Variants in SH3PXD2A observed in about 807,000 individuals in gnomAD.
SH3PXD2A encodes SH3 and PX domains 2A.
A neutral mutation model predicts 115.2 loss-of-function variants in SH3PXD2A; 32 were observed. That is an observed-to-expected ratio of 0.28 (90% CI 0.21 to 0.37). SH3PXD2A has a LOEUF of 0.37. Among genes scored for constraint, SH3PXD2A ranks in the 10% least tolerant of loss-of-function variants. The pLI is 1.00. For synonymous variants in SH3PXD2A, 610 were observed against 629.1 expected (o/e 0.97, Z 0.45); for missense variants, 1,328 against 1,498.7 (o/e 0.89, Z 1.88).
intron 5 of SH3PXD2A, among the ~76,000 whole-genome samples, chr10:103,701,283 TTCATCCATCCA>T (rs2037898143): frequency 7.0e-6 from 1 of 142,560 alleles, no homozygotes; most frequent in Non-Finnish European, 1.5e-5. Flanking sequence ...CATCTATCCA[TTCATCCATCCA>T]TCATCCATCC....
intron 6 of SH3PXD2A, among the ~76,000 whole-genome samples, chr10:103,681,767 C>T (rs567031138): frequency 5.2e-4 from 79 of 152,206 alleles, no homozygotes; most frequent in African/African-American, 1.6e-3. Context: ...CCCGCGCGCG[C>T]GCGCGCACAC....
At chr10:103,786,416 G>A (rs1564888791) in intron 2 of SH3PXD2A, among the ~76,000 whole-genome samples, 1 of 152,094 alleles carries the variant, frequency 6.6e-6, no homozygotes, top group Non-Finnish European at 1.5e-5. Flanking sequence ...TTTAATCCCA[G>A]CTACTAAGGA....
rs556489334 is a variant in SH3PXD2A, at chr10:103,772,984, A to G, written c.154-5815T>C. On this transcript the variant is annotated intron_variant, in intron 2 of 14. Coordinates refer to ENST00000369774, the MANE Select transcript of SH3PXD2A (RefSeq NM_001394015.1). ...CACGCCTGTAATCCCGGCACTTTGG[A>G]AGGCCAAGGCGGGGTGGATCACCTG... is the stretch of plus-strand genomic sequence containing the variant. Among the ~76,000 whole-genome samples, 15 of 152,322 alleles carry G rather than the reference A, an allele frequency of 9.8e-5. No individual in the cohort carries two copies. In the East Asian group the frequency reaches 2.7e-3, roughly 27 times the overall value.
chr10:103,639,067 G>T (rs1322673772), intron 8 of SH3PXD2A, among the ~76,000 whole-genome samples: 1 of 152,342 alleles, frequency 6.6e-6, no homozygotes, highest in East Asian at 1.9e-4. Flanking sequence ...GGATGAGAAG[G>T]GCGGCTGCTT....
At chr10:103,626,386 C>T (rs2036694531) in intron 9 of SH3PXD2A, among the ~76,000 whole-genome samples, 1 of 152,188 alleles carries the variant, frequency 6.6e-6, no homozygotes, top group East Asian at 1.9e-4. Context: ...GAAAGAATTC[C>T]CGCAGCCAGG....
At chr10:103,617,508 G>T (rs1382548630) in intron 10 of SH3PXD2A, among the ~76,000 whole-genome samples, 194 bp from the exon 11 acceptor site, 1 of 152,204 alleles carries the variant, frequency 6.6e-6, no homozygotes, top group Admixed American at 6.5e-5. Context: ...GGGAGCAGAG[G>T]TCACTGCTGC....
rs1013617192 is a variant in SH3PXD2A, at chr10:103,620,058, G to A, written c.802+2412C>T. Among the ~76,000 whole-genome samples the A allele has an allele frequency of 5.1e-4, 78 of 152,310 alleles. No individual in the cohort carries two copies. The highest frequency in any genetic ancestry group is 1.8e-3 in the African/African-American group (76 of 41,572). ...GTCCCAAGGAAGAGAGACTTGCCTG[G>A]GCCACAAACCCCATCTGGGGGCGCC... On this transcript the variant is annotated intron_variant, in intron 10 of 14. Coordinates refer to ENST00000369774, the MANE Select transcript of SH3PXD2A (RefSeq NM_001394015.1). The surrounding 1 kb of genome is among the most constrained non-coding windows in gnomAD (Gnocchi z 5.3).
In SH3PXD2A at chr10:103,642,768, C is replaced by T. The variant is rs141881003; in HGVS notation, c.605-15566G>A. Reference sequence around the variant, plus strand: ...TGGTCACTTGAAATATAAAGATTATCCTTATCCATTTAACTGGCTTACTCC... The same window carrying T: ...TGGTCACTTGAAATATAAAGATTATTCTTATCCATTTAACTGGCTTACTCC... On this transcript the variant is annotated intron_variant, in intron 8 of 14. Transcript: ENST00000369774. Among the ~76,000 whole-genome samples the T allele has an allele frequency of 8.6e-3, 1,303 of 152,300 alleles. 9 individuals are homozygous for T. Among genetic ancestry groups the T allele is most frequent in the Non-Finnish European group, 0.012 (814 of 68,026 alleles).
intron 2 of SH3PXD2A, among the ~76,000 whole-genome samples, chr10:103,791,233 C>A (rs1045414985): frequency 1.3e-5 from 2 of 152,172 alleles, no homozygotes; most frequent in African/African-American, 2.4e-5. Flanking sequence ...CAGCAAAGGG[C>A]GGAGATGGCT....
intron 4 of SH3PXD2A, among the ~76,000 whole-genome samples, chr10:103,729,648 C>T (rs182881726): frequency 2.6e-5 from 4 of 152,364 alleles, no homozygotes; most frequent in African/African-American, 7.2e-5. Context: ...CTCAGTCCCC[C>T]TCCAACCCTG....
intron 1 of SH3PXD2A, among the ~76,000 whole-genome samples, chr10:103,819,835 AG>A (rs1022477784): frequency 6.6e-6 from 1 of 151,566 alleles, no homozygotes; most frequent in Non-Finnish European, 1.5e-5. Flanking sequence ...TCCCTAGAGG[AG>A]GGGGGGAGAT....
Position 103,645,816 on chromosome 10 carries a change from A to G in SH3PXD2A, c.604+15167T>C, listed in dbSNP as rs17115784. Among the ~76,000 whole-genome samples the G allele has an allele frequency of 6.0e-3, 914 of 152,324 alleles. 8 individuals carry two copies. The highest frequency in any genetic ancestry group is 0.02 in the African/African-American group (849 of 41,584). On this transcript the variant is annotated intron_variant, in intron 8 of 14. Coordinates refer to ENST00000369774, the MANE Select transcript of SH3PXD2A (RefSeq NM_001394015.1). ...AGGGCACTGGAATGGGCAGCCCCAG[A>G]GACCTGTTTGCCCCAACTCCCAGAG...
In SH3PXD2A at chr10:103,627,288, G is replaced by A. The variant is rs2036712694; in HGVS notation, c.605-86C>T. Reference sequence around the variant, plus strand: ...GGGGGCCAGGACAAGGATGGAAGGAGAGGCACAAGAAGCGGAGCATGGAGC... The same window carrying A: ...GGGGGCCAGGACAAGGATGGAAGGAAAGGCACAAGAAGCGGAGCATGGAGC... On this transcript the variant is annotated intron_variant, in intron 8 of 14. Coordinates refer to ENST00000369774, the MANE Select transcript of SH3PXD2A (RefSeq NM_001394015.1). The surrounding 1 kb of genome is among the most constrained non-coding windows in gnomAD (Gnocchi z 4.4). The A allele has an allele frequency of 6.4e-6, 5 of 779,894 alleles. No homozygotes were observed. Among genetic ancestry groups the A allele is most frequent in the Admixed American group, 3.9e-5 (2 of 51,908 alleles). 48.3% of individuals were successfully genotyped at this position (779,894 alleles called of 1,614,324 possible).
intron 5 of SH3PXD2A, among the ~76,000 whole-genome samples, chr10:103,697,017 G>A (rs929628170): frequency 2.0e-5 from 3 of 151,638 alleles, no homozygotes; most frequent in African/African-American, 4.8e-5. Context: ...CTCCCACCCC[G>A]CCCCATCCCC....
At chr10:103,810,319 GAGA>G (rs1308580083) in intron 1 of SH3PXD2A, among the ~76,000 whole-genome samples, 1 of 152,218 alleles carries the variant, frequency 6.6e-6, no homozygotes. Flanking sequence ...ACAAGCTAAA[GAGA>G]AGATGAGGCA....
intron 1 of SH3PXD2A, among the ~76,000 whole-genome samples, chr10:103,832,114 G>C (rs1343123179): frequency 6.6e-6 from 1 of 152,158 alleles, no homozygotes; most frequent in Admixed American, 6.5e-5. Flanking sequence ...GCCTTTGCAA[G>C]TCTCAGTTTT....
rs766779731 is a variant in SH3PXD2A at position 103,688,709 on chromosome 10, G to C, written c.427+4319C>G. 6.5e-4 allele frequency among the ~76,000 whole-genome samples: 99 copies of C among 152,170 alleles called. 4 individuals carry two copies. Among genetic ancestry groups the C allele is most frequent in the Non-Finnish European group, 8.8e-5 (6 of 68,028 alleles). On this transcript the variant is annotated intron_variant, in intron 6 of 14. Transcript: ENST00000369774. ...GATGGGCGGGGACAAGAGGGGTAAAGCCCAGGTCAGGAAGGCAGCCAGGGG... is the reference window on the plus strand; with the variant it reads ...GATGGGCGGGGACAAGAGGGGTAAACCCCAGGTCAGGAAGGCAGCCAGGGG...
At chr10:103,753,628 C>T (rs982656501) in intron 3 of SH3PXD2A, among the ~76,000 whole-genome samples, 1 of 152,112 alleles carries the variant, frequency 6.6e-6, no homozygotes, top group Admixed American at 6.6e-5. Flanking sequence ...CCCTTCTAGC[C>T]TGTGAGTCTT....
At chr10:103,722,177 G>T (rs770315621) in intron 5 of SH3PXD2A, among the ~76,000 whole-genome samples, 5 of 151,838 alleles carry the variant, frequency 3.3e-5, no homozygotes, top group African/African-American at 1.2e-4. Flanking sequence ...GGTAGCATGT[G>T]CCTGTAATCC....
Sources: gnomAD v4.1 joint callset for allele counts (sites outside exome capture counted in the v4.1 genomes callset) on GRCh38, gnomAD v4.1.1 for gene constraint, Gnocchi (gnomAD v3.1) non-coding constraint, MANE v1.5 for transcripts, NCBI Gene and HGNC (gene_info 2026-07-23, HGNC 2026-07-21) for gene names.